SHQ1: variants seen among roughly 807,000 people sequenced by gnomAD.
The protein encoded by SHQ1 is SHQ1, H/ACA ribonucleoprotein assembly factor, also known as protein SHQ1 homolog.
In SHQ1, 49 loss-of-function variants were observed where a neutral mutation model predicts 53.8. That is an observed-to-expected ratio of 0.91 (90% CI 0.72 to 1.16). The LOEUF (loss-of-function observed/expected upper bound fraction) is 1.16. Among genes scored for constraint, SHQ1 ranks in the 50% most tolerant of loss-of-function variants. The probability of loss-of-function intolerance (pLI) is 0.00; values close to 1 mark genes in which losing one functional copy is unlikely to be tolerated. For missense variants in SHQ1, 738 were observed against 683.1 expected (o/e 1.08, Z -0.90); for synonymous variants, 243 against 251.0 (o/e 0.97, Z 0.30).
intron 10 of SHQ1, among the ~76,000 whole-genome samples, chr3:72,763,481 T>C (rs911758799): frequency 1.3e-5 from 2 of 152,202 alleles, no homozygotes; most frequent in African/African-American, 4.8e-5. Flanking sequence ...AGGAAGATAC[T>C]ATGGGTTGAA....
the SHQ1 span, among the ~76,000 whole-genome samples, chr3:72,742,237 C>T: frequency 1.2e-4 from 18 of 150,202 alleles, no homozygotes; most frequent in East Asian, 3.9e-4. Context: ...TAACGTAAAA[C>T]GAAATAAACT....
At chr3:72,815,510 T>C (rs1366871484) in intron 7 of SHQ1, 107 bp from the exon 8 acceptor site, 4 of 837,190 alleles carry the variant, frequency 4.8e-6, no homozygotes, top group Non-Finnish European at 8.0e-6. Flanking sequence ...CACTGACATA[T>C]GAGAACTAAG....
At chr3:72,791,187 A>C (rs1706423665) in intron 10 of SHQ1, among the ~76,000 whole-genome samples, 1 of 152,218 alleles carries the variant, frequency 6.6e-6, no homozygotes, top group Non-Finnish European at 1.5e-5. Context: ...CATTCCTAAA[A>C]AAAAGAAAAA....
At chr3:72,733,511 T>C in the SHQ1 span, among the ~76,000 whole-genome samples, 2 of 151,580 alleles carry the variant, frequency 1.3e-5, no homozygotes, top group Non-Finnish European at 2.9e-5. Flanking sequence ...TAGTCTCCCC[T>C]GGAGGAAGAA....
At chr3:72,832,515 A>C (rs770076408) in intron 4 of SHQ1, 34 bp from the exon 5 acceptor site, 3 of 1,459,560 alleles carry the variant, frequency 2.1e-6, no homozygotes, top group East Asian at 2.3e-5. Context: ...AATAATTGCT[A>C]TCTCCTATTT....
At chr3:72,742,523 T>C in the SHQ1 span, among the ~76,000 whole-genome samples, 1 of 152,156 alleles carries the variant, frequency 6.6e-6, no homozygotes, top group Non-Finnish European at 1.5e-5. Context: ...AAAAACTACA[T>C]GTGTTTACTC....
intron 10 of SHQ1, among the ~76,000 whole-genome samples, chr3:72,787,469 C>T (rs1418994479): frequency 6.6e-6 from 1 of 152,096 alleles, no homozygotes; most frequent in Non-Finnish European, 1.5e-5. Flanking sequence ...GATCCCTTGT[C>T]ATTTCAAAAT....
At chr3:72,765,549 A>ATTTTTTTTTT (rs1438456864) in intron 10 of SHQ1, among the ~76,000 whole-genome samples, 1 of 95,374 alleles carries the variant, frequency 1.0e-5, no homozygotes, top group African/African-American at 7.1e-5. Context: ...ATATATATAT[A>ATTTTTTTTTT]TATATATATT....
the SHQ1 span, among the ~76,000 whole-genome samples, chr3:72,730,689 G>A: frequency 1.3e-5 from 2 of 152,100 alleles, no homozygotes; most frequent in Non-Finnish European, 2.9e-5. Context: ...TTCAGTGGAC[G>A]AAAATGGCCC....
At chr3:72,739,964 C>T in the SHQ1 span, among the ~76,000 whole-genome samples, 13 of 152,102 alleles carry the variant, frequency 8.5e-5, no homozygotes, top group Admixed American at 7.9e-4. Flanking sequence ...GTGGCCTTAG[C>T]GCAAACACTG....
the SHQ1 span, among the ~76,000 whole-genome samples, chr3:72,729,116 A>C: frequency 6.6e-6 from 1 of 152,076 alleles, no homozygotes; most frequent in Non-Finnish European, 1.5e-5. Context: ...GAACAAATAA[A>C]CCTCTGAGAG....
chr3:72,787,609 G>A (rs948879382), intron 10 of SHQ1, among the ~76,000 whole-genome samples: 1 of 152,172 alleles, frequency 6.6e-6, no homozygotes, highest in African/African-American at 2.4e-5. Flanking sequence ...GTTATAAAGG[G>A]AAATGGTTTA....
At chr3:72,743,124 C>A in the SHQ1 span, among the ~76,000 whole-genome samples, 1 of 152,180 alleles carries the variant, frequency 6.6e-6, no homozygotes, top group Non-Finnish European at 1.5e-5. Flanking sequence ...ACCCTCTGCA[C>A]GCTACCCTGT....
In SHQ1 at chr3:72,799,202, G is replaced by T. The variant is rs559346895; in HGVS notation, c.1061-6166C>A. Among the ~76,000 whole-genome samples the T allele has an allele frequency of 1.4e-4, 22 of 151,814 alleles. No individual in the cohort carries two copies. The South Asian group carries it at 4.6e-3, about 32-fold the overall frequency. On this transcript the variant is annotated intron_variant, in intron 9 of 10. Transcript: ENST00000325599. ...TTAAAACAATAAGTAAAGAAAAAAA[G>T]AGTGGTTATTCAAAACACCTGAGGG...
the SHQ1 span, among the ~76,000 whole-genome samples, chr3:72,739,248 G>A: frequency 1.5e-3 from 224 of 152,292 alleles, no homozygotes; most frequent in African/African-American, 5.3e-3. Context: ...GGTGCTCAAC[G>A]TGGCAACGCC....
At chr3:72,841,310 A>C (rs1443006817) in intron 3 of SHQ1, 111 bp from the exon 4 acceptor site, 14 of 778,266 alleles carry the variant, frequency 1.8e-5, no homozygotes, top group Non-Finnish European at 2.8e-5. Flanking sequence ...ACATATACCA[A>C]ATGTACTAAA....
intron 9 of SHQ1, among the ~76,000 whole-genome samples, chr3:72,804,768 T>C (rs537066603): frequency 2.6e-5 from 4 of 152,310 alleles, no homozygotes; most frequent in South Asian, 2.1e-4. Context: ...GGCAGGAGGA[T>C]AGCTTGAGCC....
At chr3:72,834,467 T>C (rs933204099) in intron 4 of SHQ1, among the ~76,000 whole-genome samples, 1 of 151,988 alleles carries the variant, frequency 6.6e-6, no homozygotes, top group Non-Finnish European at 1.5e-5. Flanking sequence ...AAGGTGGAGG[T>C]TGCAGTGAGA....
At chr3:72,781,794 G>T (rs1450598112) in intron 10 of SHQ1, among the ~76,000 whole-genome samples, 1 of 151,870 alleles carries the variant, frequency 6.6e-6, no homozygotes, top group Non-Finnish European at 1.5e-5. Flanking sequence ...TAAAAAAAAA[G>T]GTATGGTAAG....
Sources: gnomAD v4.1 joint callset for allele counts (sites outside exome capture counted in the v4.1 genomes callset) on GRCh38, gnomAD v4.1.1 for gene constraint, MANE v1.5 for transcripts, NCBI Gene and HGNC (gene_info 2026-07-23, HGNC 2026-07-21) for gene names.